Variants in UROC1 observed in about 807,000 individuals in gnomAD.
UROC1 encodes the protein urocanate hydratase.
In UROC1, 79 loss-of-function variants were observed where a neutral mutation model predicts 89.5. The observed-to-expected ratio is 0.88, with a 90% CI of 0.74 to 1.06. The LOEUF (loss-of-function observed/expected upper bound fraction) is 1.06, where lower values mean the gene tolerates loss of function less well. UROC1 is among the 50% of genes least tolerant of loss of function. The probability of loss-of-function intolerance (pLI) is 0.00; values close to 1 mark genes in which losing one functional copy is unlikely to be tolerated. For synonymous variants in UROC1, 361 were observed against 354.8 expected (o/e 1.02, Z -0.20); for missense variants, 885 against 907.8 (o/e 0.97, Z 0.32).
At position 126,505,888 on chromosome 3, in the gene UROC1, GCCC is replaced by G. The variant is rs750889530; in HGVS notation, c.670-47_670-45del. ...GGGGCTCACTGCCCACTCCCAGCCC[GCCC>G]CCTCCACCCCCCATGCTGGGAAGCC... On this transcript the variant is annotated intron_variant, in intron 7 of 19. Transcript: ENST00000290868. The G allele has an allele frequency of 2.1e-5, 20 of 942,126 alleles. No homozygotes were observed. The African/African-American group carries it at 3.5e-4, about 16-fold the overall frequency. The allele number at this position is 942,126 out of a possible 1,614,324, so 58.4% of individuals were successfully genotyped here. A position where few individuals can be genotyped will look rare whatever the true frequency, so the allele number is the denominator to read the frequency against.
At chr3:126,516,849 G>GGA (rs1018444875) in intron 1 of UROC1, among the ~76,000 whole-genome samples, 3 of 150,660 alleles carry the variant, frequency 2.0e-5, no homozygotes, top group African/African-American at 7.3e-5. Flanking sequence ...CTTTACCTGG[G>GGA]GAGGTAGGAT....
intron 9 of UROC1, among the ~76,000 whole-genome samples, chr3:126,503,297 A>G (rs1935979508): frequency 6.6e-6 from 1 of 152,160 alleles, no homozygotes; most frequent in Admixed American, 6.5e-5. Context: ...CCCTGTGGAG[A>G]TTCTAGTTGA....
chr3:126,488,819 C>T (rs1935576896), intron 17 of UROC1, among the ~76,000 whole-genome samples: 1 of 152,224 alleles, frequency 6.6e-6, no homozygotes, highest in Non-Finnish European at 1.5e-5. Context: ...AGCCTGAGAC[C>T]GTGAGCCCCT....
chr3:126,496,419 G>A (rs1576717536), intron 14 of UROC1, among the ~76,000 whole-genome samples: 2 of 152,334 alleles, frequency 1.3e-5, no homozygotes, highest in South Asian at 4.1e-4. Flanking sequence ...ACCGCTGTGG[G>A]CCGTGAGGAA....
chr3:126,496,739 A>G (rs540508697), intron 14 of UROC1, among the ~76,000 whole-genome samples: 1 of 152,340 alleles, frequency 6.6e-6, no homozygotes, highest in East Asian at 1.9e-4. Flanking sequence ...TAACATAAAT[A>G]TCATTAAAAT....
chr3:126,500,695 C>A lies in UROC1; in HGVS notation c.1145G>T (p.Ser382Ile). 6.2e-7 allele frequency: 1 copy of A among 1,614,168 alleles called. No individual in the cohort carries two copies. Among genetic ancestry groups the A allele is most frequent in the Non-Finnish European group, 8.5e-7 (1 of 1,180,038 alleles). The part of the protein sequence containing the change: ...PAVFKDLVQE[S>I]LRRQVSAINR... ...TGCCACCCCCAACTCCAAGTAGCAC[C>A]TTTCCTGGACCAGGTCCTTGAACAC... Residue 382 changes from serine (S) to isoleucine (I), a missense_variant and splice_region_variant, in exon 11 of 20, where the codon AGC becomes ATC. Coordinates refer to ENST00000290868, the MANE Select transcript of UROC1 (RefSeq NM_144639.3).
At position 126,515,142 on chromosome 3, in the gene UROC1, C is replaced by CCG. The variant is rs769392902; in HGVS notation, c.126+2450_126+2451dup. Among the ~76,000 whole-genome samples the CCG allele has an allele frequency of 1.4e-3, 207 of 152,134 alleles. 2 individuals carry two copies. Among genetic ancestry groups the CCG allele is most frequent in the Non-Finnish European group, 2.4e-3 (165 of 67,992 alleles). ...CCACCTTCTCCCAACACAAGACACCCCGGGAGCTGATCACAGCCACAGGGA... is the reference window on the plus strand; with the variant it reads ...CCACCTTCTCCCAACACAAGACACCCCGCGGGAGCTGATCACAGCCACAGGGA... On this transcript the variant is annotated intron_variant, in intron 1 of 19. Transcript: ENST00000290868.
At chr3:126,507,691 C>T in intron 6 of UROC1, 51 bp downstream of exon 6, 2 of 1,582,288 alleles carry the variant, frequency 1.3e-6, no homozygotes, top group Non-Finnish European at 1.7e-6. Flanking sequence ...TTTATAATGA[C>T]CCATGGCTAA....
chr3:126,510,735 T>G lies in UROC1; in HGVS notation c.186A>C (p.Pro62=). The change falls in exon 2 of 20, where the codon CCA becomes CCC. Residue 62 remains proline, a synonymous_variant. Transcript: ENST00000290868. ...ACAGTTGCAGCTCCTGGGCAAACTC[T>G]GGGGCCAGCAGCTCCTGGACATCCG... ...FPPDVQELLA[P]EFAQELQLYG... The G allele has an allele frequency of 6.2e-7, 1 of 1,614,182 alleles. No individual in the cohort carries two copies. The highest frequency in any genetic ancestry group is 8.5e-7 in the Non-Finnish European group (1 of 1,180,042).
chr3:126,506,305 G>A (rs1354106839), intron 6 of UROC1, among the ~76,000 whole-genome samples: 1 of 152,152 alleles, frequency 6.6e-6, no homozygotes, highest in Admixed American at 6.5e-5. Context: ...CCAGCTGAAT[G>A]TGTGCAGCAT....
At chr3:126,486,254 C>G (rs1935513237) in intron 18 of UROC1, among the ~76,000 whole-genome samples, 1 of 152,264 alleles carries the variant, frequency 6.6e-6, no homozygotes, top group Admixed American at 6.5e-5. Flanking sequence ...AACTGACCCT[C>G]TCACATGTGA....
At chr3:126,493,874 C>T (rs1298971903) in intron 15 of UROC1, among the ~76,000 whole-genome samples, 1 of 152,208 alleles carries the variant, frequency 6.6e-6, no homozygotes, top group Non-Finnish European at 1.5e-5. Flanking sequence ...TGAGCTCGAC[C>T]AGGAGCCGGT....
chr3:126,483,028 G>A (rs953795816), intron 19 of UROC1, among the ~76,000 whole-genome samples: 2 of 152,172 alleles, frequency 1.3e-5, no homozygotes, highest in Non-Finnish European at 2.9e-5. Flanking sequence ...AAGCCCTGCA[G>A]CTCCCGGTGA....
intron 18 of UROC1, among the ~76,000 whole-genome samples, chr3:126,484,396 C>T (rs1164610815): frequency 1.3e-5 from 2 of 152,236 alleles, no homozygotes; most frequent in Non-Finnish European, 2.9e-5. Flanking sequence ...ACACAAGAAG[C>T]ACCCTTAATT....
In UROC1 at chr3:126,483,465, A is replaced by G; in HGVS notation, c.1794T>C (p.Gly598=). 6.2e-6 allele frequency: 10 copies of G among 1,613,680 alleles called. No individual in the cohort carries two copies. The highest frequency in any genetic ancestry group is 8.5e-6 in the Non-Finnish European group (10 of 1,179,964). Residue 598 remains glycine (G), a synonymous_variant, in exon 19 of 20, where the codon GGT becomes GGC. Transcript: ENST00000290868. ...ALHNGGGVGW[G]EVINGGFGLV... is the part of the protein sequence containing the mutation. ...GGCCGAATCCCCCGTTGATCACCTC[A>G]CCCCTGCAGGAGGCAGAGGAGTTTC...
intron 9 of UROC1, among the ~76,000 whole-genome samples, chr3:126,502,843 T>C (rs1489816083): frequency 6.6e-6 from 1 of 151,752 alleles, no homozygotes; most frequent in Non-Finnish European, 1.5e-5. Context: ...TGTGTTCATG[T>C]GTGTTACATG....
intron 1 of UROC1, among the ~76,000 whole-genome samples, chr3:126,511,343 G>T (rs772756491): frequency 6.6e-6 from 1 of 152,138 alleles, no homozygotes; most frequent in Non-Finnish European, 1.5e-5. Context: ...TCCCACGTGG[G>T]TTCTAATACA....
chr3:126,501,783 A>G, intron 9 of UROC1: 1 of 1,598,690 alleles, frequency 6.3e-7, no homozygotes, highest in Non-Finnish European at 8.5e-7. Context: ...CCCATGAAAG[A>G]GCAGATTGAA....
At chr3:126,512,313 A>T (rs1402545793) in intron 1 of UROC1, among the ~76,000 whole-genome samples, 2 of 152,230 alleles carry the variant, frequency 1.3e-5, no homozygotes, top group African/African-American at 4.8e-5. Flanking sequence ...GTGTGGTGTG[A>T]TGGGGCCCAC....
Sources: gnomAD v4.1 joint callset for allele counts (sites outside exome capture counted in the v4.1 genomes callset) on GRCh38, gnomAD v4.1.1 for gene constraint, MANE v1.5 for transcripts, NCBI Gene and HGNC (gene_info 2026-07-23, HGNC 2026-07-21) for gene names.